ABCB5: variants seen among roughly 807,000 people sequenced by gnomAD.
ABCB5 encodes the protein ATP binding cassette subfamily B member 5, also known as ATP-binding cassette sub-family B member 5.
ABCB5 carries 155 observed loss-of-function variants against 144.2 expected under a neutral mutation model. The observed-to-expected ratio is 1.08, with a 90% confidence interval of 0.94 to 1.23. The LOEUF (loss-of-function observed/expected upper bound fraction) is 1.23, where lower values mean the gene tolerates loss of function less well. ABCB5 is among the 50% of genes most tolerant of loss of function. The pLI is 0.00. For synonymous variants in ABCB5, 610 were observed against 528.6 expected (o/e 1.15, Z -2.11); for missense variants, 1,830 against 1,520.8 (o/e 1.20, Z -3.38).
chr7:20,627,995 T>G (rs1783947106), intron 3 of ABCB5, among the ~76,000 whole-genome samples: 1 of 152,204 alleles, frequency 6.6e-6, no homozygotes, highest in South Asian at 2.1e-4. Flanking sequence ...TTGTACTGAT[T>G]TAGCTGCTTT....
chr7:20,667,349 A>C (rs1261343128), intron 14 of ABCB5: 4 of 985,152 alleles, frequency 4.1e-6, no homozygotes, highest in Non-Finnish European at 4.8e-6. Context: ...TCCCCTGTGA[A>C]GAAAAGAAGG....
intron 14 of ABCB5, among the ~76,000 whole-genome samples, chr7:20,662,040 C>T (rs1408044726): frequency 6.6e-6 from 1 of 152,148 alleles, no homozygotes; most frequent in East Asian, 1.9e-4. Flanking sequence ...TGGCAGTGAG[C>T]ACCTGCAGGC....
intron 20 of ABCB5, among the ~76,000 whole-genome samples, chr7:20,720,655 G>C (rs1204864870): frequency 6.6e-6 from 1 of 152,122 alleles, no homozygotes; most frequent in Non-Finnish European, 1.5e-5. Flanking sequence ...ATCAAGTTAA[G>C]AATGAAGAGG....
At chr7:20,693,957 T>C (rs964040154) in intron 16 of ABCB5, among the ~76,000 whole-genome samples, 1 of 151,750 alleles carries the variant, frequency 6.6e-6, no homozygotes, top group African/African-American at 2.4e-5. Context: ...CAAGAATAAA[T>C]TGATAGTTTG....
chr7:20,723,842 G>C (rs1781949324), intron 21 of ABCB5, among the ~76,000 whole-genome samples: 1 of 152,128 alleles, frequency 6.6e-6, no homozygotes, highest in African/African-American at 2.4e-5. Flanking sequence ...ATAAAACAAG[G>C]CTTTAGAGAC....
intron 16 of ABCB5, among the ~76,000 whole-genome samples, chr7:20,686,504 C>T (rs978871922): frequency 1.6e-4 from 24 of 152,164 alleles, no homozygotes; most frequent in Admixed American, 3.9e-4. Flanking sequence ...CACCACACAT[C>T]CTGAACATTC....
rs1480702661 is a variant in ABCB5, at chr7:20,755,636, T to C, written c.*12T>C. ...AGTCAGTGCAGTGATGCTGTTGAGG[T>C]AGCACATATTTTGATGTTCGTGTAA... On this transcript the variant is annotated 3_prime_UTR_variant, in exon 28 of 28. Transcript: ENST00000404938. The C allele has an allele frequency of 2.5e-6, 4 of 1,612,464 alleles. No individual in the cohort carries two copies. In the Admixed American group the frequency reaches 5.0e-5, roughly 20 times the overall value.
At chr7:20,701,940 C>T (rs1313579150) in intron 19 of ABCB5, among the ~76,000 whole-genome samples, 1 of 152,142 alleles carries the variant, frequency 6.6e-6, no homozygotes, top group Non-Finnish European at 1.5e-5. Context: ...GTAAGGGAAG[C>T]CCCTAGTGTG....
chr7:20,718,051 G>A (rs547098391), intron 20 of ABCB5, among the ~76,000 whole-genome samples: 57 of 149,662 alleles, frequency 3.8e-4, no homozygotes, highest in Non-Finnish European at 7.0e-4. Flanking sequence ...ACAGGCGCCC[G>A]CCACCACGCC....
rs1200335043 is a variant in ABCB5 at position 20,756,738 on chromosome 7, TTATCA to T, written c.*1118_*1122del. 1 of 152,214 alleles carries T rather than the reference TTATCA, an allele frequency of 6.6e-6. No individual in the cohort carries two copies. Among genetic ancestry groups the T allele is most frequent in the Non-Finnish European group, 1.5e-5 (1 of 68,032 alleles). 9.4% of individuals were successfully genotyped at this position (152,214 alleles called of 1,614,324 possible). A position where few individuals can be genotyped will look rare whatever the true frequency, so the allele number is the denominator to read the frequency against. ...AATTTCCTTAAATTTTATATATACT[TTATCA>T]TATATAATGTGTGAATGATTTTAAA... On this transcript the variant is annotated 3_prime_UTR_variant, in exon 28 of 28. Coordinates refer to ENST00000404938, the MANE Select transcript of ABCB5 (RefSeq NM_001163941.2).
At position 20,659,091 on chromosome 7, in the gene ABCB5, C is replaced by G. The variant is rs1490291965; in HGVS notation, c.1707+415C>G. On this transcript the variant is annotated intron_variant, in intron 14 of 27. Coordinates refer to ENST00000404938, the MANE Select transcript of ABCB5 (RefSeq NM_001163941.2). Reference sequence around the variant, plus strand: ...GATACCCCCAGGTATTCATTTTGACCTAATTTCACCTCAAGTGGAGAATCG... The same window carrying G: ...GATACCCCCAGGTATTCATTTTGACGTAATTTCACCTCAAGTGGAGAATCG... 3 of 1,613,892 alleles carry G rather than the reference C, an allele frequency of 1.9e-6. No individual in the cohort carries two copies. In the Admixed American group the frequency reaches 5.0e-5, roughly 27 times the overall value.
chr7:20,681,369 C>A, intron 14 of ABCB5, 136 bp from the exon 15 acceptor site: 1 of 873,210 alleles, frequency 1.1e-6, no homozygotes, highest in Non-Finnish European at 1.7e-6. Context: ...TCAGGTGATC[C>A]ACCCTCCTCG....
chr7:20,666,812 G>C, intron 14 of ABCB5: 1 of 1,577,868 alleles, frequency 6.3e-7, no homozygotes, highest in Non-Finnish European at 8.6e-7. Context: ...TCTACGTTGA[G>C]GTATCTGGAA....
rs1157858371 is a variant in ABCB5 at position 20,711,824 on chromosome 7, CTTTCTTTCTTTCTTTCTTTCT to C, written c.2421+7034_2421+7054del. On this transcript the variant is annotated intron_variant, in intron 20 of 27. Coordinates refer to ENST00000404938, the MANE Select transcript of ABCB5 (RefSeq NM_001163941.2). ...TCTTTCTTTCTTTCTTTCTTTCTTT[CTTTCTTTCTTTCTTTCTTTCT>C]TTTCTTTCTTTCTTTCCTTCCTCCC... is the stretch of plus-strand genomic sequence containing the variant. Among the ~76,000 whole-genome samples the C allele has an allele frequency of 1.3e-3, 72 of 53,870 alleles. 8 individuals carry two copies. The highest frequency in any genetic ancestry group is 0.01 in the African/African-American group (63 of 6,208). The allele number at this position is 53,870 out of a possible 152,430, so 35.3% of individuals were successfully genotyped here. A position where few individuals can be genotyped will look rare whatever the true frequency, so the allele number is the denominator to read the frequency against.
At chr7:20,715,699 C>T (rs535340115) in intron 20 of ABCB5, among the ~76,000 whole-genome samples, 4 of 151,670 alleles carry the variant, frequency 2.6e-5, no homozygotes, top group South Asian at 2.1e-4. Flanking sequence ...TATGAGCCAC[C>T]GCACCCAGCC....
At chr7:20,733,601 G>C (rs1275166638) in intron 23 of ABCB5, among the ~76,000 whole-genome samples, 5 of 151,782 alleles carry the variant, frequency 3.3e-5, no homozygotes, top group Admixed American at 1.3e-4. Context: ...ATCTGAGCTA[G>C]AGCCACTGGT....
chr7:20,649,929 GT>G, intron 11 of ABCB5, 92 bp from the exon 12 acceptor site: 1 of 1,379,468 alleles, frequency 7.2e-7, no homozygotes, highest in South Asian at 1.5e-5. Flanking sequence ...AGAAGAATTT[GT>G]TTTTGGTTAT....
chr7:20,699,717 A>T, intron 17 of ABCB5, 108 bp from the exon 18 acceptor site: 2 of 727,206 alleles, frequency 2.8e-6, no homozygotes, highest in South Asian at 4.2e-5. Context: ...ATAAAAGAAA[A>T]AAAAAAAAGA....
At chr7:20,755,261 T>C (rs569080687) in intron 27 of ABCB5, among the ~76,000 whole-genome samples, 166 bp from the exon 28 acceptor site, 1 of 152,368 alleles carries the variant, frequency 6.6e-6, no homozygotes, top group South Asian at 2.1e-4. Context: ...AGTTAATATT[T>C]CTAGATTTCT....
Sources: gnomAD v4.1 joint callset for allele counts (sites outside exome capture counted in the v4.1 genomes callset) on GRCh38, gnomAD v4.1.1 for gene constraint, MANE v1.5 for transcripts, NCBI Gene and HGNC (gene_info 2026-07-23, HGNC 2026-07-21) for gene names.